The following NT5C2 variants were observed in gnomAD, a reference collection of about 807,000 sequenced individuals.
NT5C2 encodes 5'-nucleotidase, cytosolic II, also known as cytosolic purine 5'-nucleotidase.
A neutral mutation model predicts 76.1 loss-of-function variants in NT5C2; 58 were observed. That is an observed-to-expected ratio of 0.76 (90% CI 0.62 to 0.95). The LOEUF (loss-of-function observed/expected upper bound fraction) is 0.95. NT5C2 is among the 40% of genes least tolerant of loss of function. The pLI is 0.00. For missense variants in NT5C2, 478 were observed against 690.3 expected, an observed-to-expected ratio of 0.69 and a Z score of 3.45; for synonymous variants, 229 against 237.4, an observed-to-expected ratio of 0.96 and a Z score of 0.32.
At chr10:103,107,782 TTCTC>T (rs1024832950) in intron 4 of NT5C2, among the ~76,000 whole-genome samples, 12 of 151,710 alleles carry the variant, frequency 7.9e-5, no homozygotes, top group African/African-American at 1.7e-4. Context: ...CAATGAGGGG[TTCTC>T]TCTCTATTGT....
At chr10:103,100,421 T>C (rs962869278) in intron 8 of NT5C2, among the ~76,000 whole-genome samples, 3 of 152,204 alleles carry the variant, frequency 2.0e-5, no homozygotes, top group African/African-American at 7.2e-5. Flanking sequence ...ATTTTTTTAT[T>C]TAGTTCAGTG....
chr10:103,127,758 G>A (rs1463919181), intron 4 of NT5C2, among the ~76,000 whole-genome samples: 3 of 152,182 alleles, frequency 2.0e-5, no homozygotes, highest in Admixed American at 6.5e-5. Flanking sequence ...GGGTTTCACT[G>A]TGTTGGCCAG....
chr10:103,090,817 CTCAT>C (rs2066593167), intron 17 of NT5C2, 30 bp from the exon 18 acceptor site: 2 of 1,610,082 alleles, frequency 1.2e-6, no homozygotes, highest in African/African-American at 1.3e-5. Flanking sequence ...TGATTCTTGG[CTCAT>C]TCAACAAATA....
intron 4 of NT5C2, among the ~76,000 whole-genome samples, chr10:103,121,226 A>C (rs1297750684): frequency 6.6e-6 from 1 of 152,194 alleles, no homozygotes; most frequent in Non-Finnish European, 1.5e-5. Context: ...CAACTTTGTG[A>C]ATGTGCTTAA....
At chr10:103,129,252 G>A (rs2077421017) in intron 4 of NT5C2, among the ~76,000 whole-genome samples, 1 of 115,358 alleles carries the variant, frequency 8.7e-6, no homozygotes, top group Non-Finnish European at 1.9e-5. Flanking sequence ...AGGGAGATGG[G>A]GGGGTCAGCC....
chr10:103,167,965 G>A (rs1266586451), intron 3 of NT5C2, among the ~76,000 whole-genome samples: 2 of 152,044 alleles, frequency 1.3e-5, no homozygotes, highest in Non-Finnish European at 2.9e-5. Flanking sequence ...GAAGCCATAA[G>A]TACTAGCAAA....
intron 4 of NT5C2, among the ~76,000 whole-genome samples, chr10:103,115,078 G>A (rs2074005026): frequency 6.6e-6 from 1 of 152,202 alleles, no homozygotes; most frequent in Non-Finnish European, 1.5e-5. Flanking sequence ...TATGTTAGAA[G>A]TATGCTGAAA....
intron 4 of NT5C2, among the ~76,000 whole-genome samples, chr10:103,136,669 G>A (rs1308855861): frequency 6.7e-6 from 1 of 149,650 alleles, no homozygotes; most frequent in Non-Finnish European, 1.5e-5. Flanking sequence ...CTGTTGCCCA[G>A]GCTGGAGTGC....
At chr10:103,162,820 T>C (rs1040259181) in intron 3 of NT5C2, among the ~76,000 whole-genome samples, 6 of 152,200 alleles carry the variant, frequency 3.9e-5, no homozygotes, top group African/African-American at 9.6e-5. Flanking sequence ...TAAAATACAG[T>C]AATAGTTTAT....
intron 3 of NT5C2, among the ~76,000 whole-genome samples, chr10:103,155,195 A>G (rs1591544565): frequency 6.6e-6 from 1 of 152,230 alleles, no homozygotes; most frequent in Non-Finnish European, 1.5e-5. Flanking sequence ...TCCATTCAAA[A>G]GTAGCTATGA....
At chr10:103,136,914 C>T (rs1019308815) in intron 4 of NT5C2, among the ~76,000 whole-genome samples, 10 of 152,116 alleles carry the variant, frequency 6.6e-5, no homozygotes, top group East Asian at 1.9e-4. Flanking sequence ...TGAGCCACCG[C>T]GCCAGGCCAA....
intron 3 of NT5C2, among the ~76,000 whole-genome samples, chr10:103,144,805 T>C (rs1411611937): frequency 6.6e-6 from 1 of 152,202 alleles, no homozygotes; most frequent in Non-Finnish European, 1.5e-5. Context: ...ACAGACTTTA[T>C]AAGAGTCTAA....
intron 1 of NT5C2, among the ~76,000 whole-genome samples, chr10:103,192,039 C>G (rs1191584168): frequency 6.6e-6 from 1 of 151,118 alleles, no homozygotes; most frequent in Non-Finnish European, 1.5e-5. Context: ...ATGTCTTCAT[C>G]TGGATAAATT....
At chr10:103,117,902 T>A (rs557826333) in intron 4 of NT5C2, among the ~76,000 whole-genome samples, 132 of 147,356 alleles carry the variant, frequency 9.0e-4, no homozygotes, top group African/African-American at 2.9e-3. Context: ...GAGCTGGGTT[T>A]AAAAAAAAAA....
chr10:103,094,646 G>A, intron 12 of NT5C2, 191 bp from the exon 13 acceptor site: 1 of 506,650 alleles, frequency 2.0e-6, no homozygotes, highest in Non-Finnish European at 3.5e-6. Context: ...TACTTTGGGA[G>A]GCCGAGGCGG....
At chr10:103,115,568 C>G (rs1399940752) in intron 4 of NT5C2, among the ~76,000 whole-genome samples, 1 of 152,168 alleles carries the variant, frequency 6.6e-6, no homozygotes, top group African/African-American at 2.4e-5. Flanking sequence ...ATCATAAACA[C>G]TAGTAATTGA....
chr10:103,094,102 CA>C, intron 13 of NT5C2, 64 bp from the exon 14 acceptor site: 1 of 1,302,072 alleles, frequency 7.7e-7, no homozygotes. Flanking sequence ...CCTCACCCCA[CA>C]ACCCTCCCAT....
chr10:103,097,860 C>T (rs904890592), intron 10 of NT5C2: 8 of 367,062 alleles, frequency 2.2e-5, no homozygotes, highest in African/African-American at 1.3e-4. Context: ...CCCACACCCA[C>T]GTGCGCTTAA....
chr10:103,165,880 G>A (rs1346978809), intron 3 of NT5C2, among the ~76,000 whole-genome samples: 1 of 152,140 alleles, frequency 6.6e-6, no homozygotes, highest in Non-Finnish European at 1.5e-5. Context: ...ATGTTAGTCA[G>A]GCTAGTCTCG....
Sources: allele counts gnomAD v4.1 joint callset (sites outside exome capture counted in the v4.1 genomes callset), GRCh38; gene constraint gnomAD v4.1.1; transcripts MANE v1.5; gene names NCBI Gene and HGNC (gene_info 2026-07-23, HGNC 2026-07-21).